Variants in DSCAM observed in about 807,000 individuals in gnomAD.
The protein encoded by DSCAM is DS cell adhesion molecule, also known as cell adhesion molecule DSCAM.
Under a neutral mutation model 217.7 loss-of-function variants are expected in DSCAM, and 47 were observed. That is an observed-to-expected ratio of 0.22 (90% CI 0.17 to 0.28). The LOEUF (loss-of-function observed/expected upper bound fraction) is 0.28, where lower values mean the gene tolerates loss of function less well. Ranked by LOEUF, DSCAM falls within the 10% of genes least tolerant of loss-of-function variation. The probability of loss-of-function intolerance (pLI) is 1.00; values close to 1 mark genes in which losing one functional copy is unlikely to be tolerated. For synonymous variants in DSCAM, 1,056 were observed against 1,015.3 expected (o/e 1.04, Z -0.76); for missense variants, 2,080 against 2,618.3 (o/e 0.79, Z 4.49).
At chr21:40,300,617 A>C (rs1049553950) in intron 9 of DSCAM, among the ~76,000 whole-genome samples, 1 of 152,190 alleles carries the variant, frequency 6.6e-6, no homozygotes, top group African/African-American at 2.4e-5. Flanking sequence ...GACATGTGAA[A>C]AACAATTGTC....
chr21:40,825,286 C>CTTCCTTCT (rs2091959578), intron 1 of DSCAM, among the ~76,000 whole-genome samples: 3 of 149,932 alleles, frequency 2.0e-5, no homozygotes, highest in Non-Finnish European at 4.4e-5. Context: ...TCCTTCCTTC[C>CTTCCTTCT]TTCCTTCCTT....
intron 10 of DSCAM, among the ~76,000 whole-genome samples, chr21:40,289,113 A>T (rs1287011970): frequency 6.6e-6 from 1 of 152,270 alleles, no homozygotes; most frequent in Non-Finnish European, 1.5e-5. Flanking sequence ...ACATGAAAGC[A>T]AATGGGAGAG....
intron 1 of DSCAM, among the ~76,000 whole-genome samples, chr21:40,801,192 C>T (rs541169782): frequency 6.6e-6 from 1 of 152,036 alleles, no homozygotes; most frequent in Non-Finnish European, 1.5e-5. Flanking sequence ...ACCTTGTGAT[C>T]CCCCTGCCTT....
In DSCAM at chr21:40,467,872, A is replaced by C. The variant is rs557169491; in HGVS notation, c.509-98627T>G. ...CAAGGGAAAAGTCAAGCTGGGAACT[A>C]TATCAGGCAAGCTTGCCTCCCATTT... On this transcript the variant is annotated intron_variant, in intron 3 of 32. Coordinates refer to ENST00000400454, the MANE Select transcript of DSCAM (RefSeq NM_001389.5). Among the ~76,000 whole-genome samples, 5 of 150,306 alleles carry C rather than the reference A, an allele frequency of 3.3e-5. No individual in the cohort carries two copies. The East Asian group carries it at 9.9e-4, about 30-fold the overall frequency.
At chr21:40,362,983 C>T (rs766980767) in intron 4 of DSCAM, among the ~76,000 whole-genome samples, 18 of 152,104 alleles carry the variant, frequency 1.2e-4, no homozygotes, top group South Asian at 4.1e-4. Flanking sequence ...TGACGAGAGC[C>T]GCTTTATGTT....
rs560254469 is a variant in DSCAM at position 40,517,806 on chromosome 21, C to T, written c.509-148561G>A. Among the ~76,000 whole-genome samples, 4 of 152,218 alleles carry T rather than the reference C, an allele frequency of 2.6e-5. No individual in the cohort carries two copies. The East Asian group carries it at 5.8e-4, about 22-fold the overall frequency. ...TCCCTAGGCTTAACTCTTGAGGTGG[C>T]AGGAGGAAAGTGACAGTGCTGTGTC... On this transcript the variant is annotated intron_variant, in intron 3 of 32. Coordinates refer to ENST00000400454, the MANE Select transcript of DSCAM (RefSeq NM_001389.5).
At chr21:40,058,108 G>A (rs1439256436) in intron 28 of DSCAM, among the ~76,000 whole-genome samples, 1 of 151,800 alleles carries the variant, frequency 6.6e-6, no homozygotes, top group Non-Finnish European at 1.5e-5. Flanking sequence ...TCCTGACCTC[G>A]TGATCCACCC....
At chr21:40,217,822 T>C (rs2091257028) in intron 11 of DSCAM, among the ~76,000 whole-genome samples, 1 of 152,210 alleles carries the variant, frequency 6.6e-6, no homozygotes, top group South Asian at 2.1e-4. Flanking sequence ...TTTTGAGAAG[T>C]GTCTGTTCAC....
intron 3 of DSCAM, among the ~76,000 whole-genome samples, chr21:40,440,199 T>G (rs534826501): frequency 6.6e-6 from 1 of 152,320 alleles, no homozygotes; most frequent in Non-Finnish European, 1.5e-5. Context: ...TTGTTCAACC[T>G]AGTGGCAGTT....
At chr21:40,783,500 C>T (rs966341000) in intron 1 of DSCAM, among the ~76,000 whole-genome samples, 1 of 152,070 alleles carries the variant, frequency 6.6e-6, no homozygotes, top group East Asian at 1.9e-4. Context: ...AGCAAGAAAC[C>T]ACTAAAAGGC....
intron 1 of DSCAM, among the ~76,000 whole-genome samples, chr21:40,782,490 G>A (rs2091555598): frequency 6.6e-6 from 1 of 152,214 alleles, no homozygotes; most frequent in Admixed American, 6.5e-5. Context: ...CATGTTGGGA[G>A]GCCGAGGCGG....
At chr21:40,264,302 C>T (rs953111618) in intron 11 of DSCAM, among the ~76,000 whole-genome samples, 2 of 152,094 alleles carry the variant, frequency 1.3e-5, no homozygotes, top group South Asian at 2.1e-4. Context: ...AAATTCTCAA[C>T]ACAATACTAG....
At chr21:40,618,753 G>C (rs1368756122) in intron 3 of DSCAM, 1 of 152,054 alleles carries the variant, frequency 6.6e-6, no homozygotes, top group East Asian at 1.9e-4. Context: ...GATTGACTGG[G>C]AGAATGGAGA....
At chr21:40,604,334 G>T (rs1012939651) in intron 3 of DSCAM, among the ~76,000 whole-genome samples, 3 of 151,886 alleles carry the variant, frequency 2.0e-5, no homozygotes, top group Admixed American at 6.6e-5. Context: ...ATCTGTTCTT[G>T]CTTGTCATCT....
chr21:40,508,712 G>A (rs975910729), intron 3 of DSCAM, among the ~76,000 whole-genome samples: 2 of 126,514 alleles, frequency 1.6e-5, no homozygotes, highest in African/African-American at 5.8e-5. Flanking sequence ...CAGACCACAG[G>A]TGCAAACCAC....
intron 6 of DSCAM, among the ~76,000 whole-genome samples, chr21:40,344,150 C>T (rs554505873): frequency 2.6e-5 from 4 of 152,244 alleles, no homozygotes; most frequent in South Asian, 4.1e-4. Context: ...CCGCCTGTCT[C>T]GGCTTCCTAA....
At chr21:40,289,356 C>T (rs921516941) in intron 10 of DSCAM, among the ~76,000 whole-genome samples, 1 of 152,180 alleles carries the variant, frequency 6.6e-6, no homozygotes, top group African/African-American at 2.4e-5. Context: ...GTGTGGGTGG[C>T]ACTTCCCCAG....
intron 3 of DSCAM, among the ~76,000 whole-genome samples, chr21:40,450,340 C>A (rs1601653322): frequency 6.6e-6 from 1 of 152,176 alleles, no homozygotes; most frequent in African/African-American, 2.4e-5. Context: ...CTGGCTGACA[C>A]TTGAAAATAG....
chr21:40,585,412 T>A (rs1289536272), intron 3 of DSCAM, among the ~76,000 whole-genome samples: 2 of 34,752 alleles, frequency 5.8e-5, no homozygotes, highest in Admixed American at 4.2e-4. Flanking sequence ...AGAGCAAGAC[T>A]CCGTCTCAAA....
Sources: allele counts gnomAD v4.1 joint callset (sites outside exome capture counted in the v4.1 genomes callset), GRCh38; gene constraint gnomAD v4.1.1; transcripts MANE v1.5; gene names NCBI Gene and HGNC (gene_info 2026-07-23, HGNC 2026-07-21).